ITGB3: variants seen among roughly 807,000 people sequenced by gnomAD.
ITGB3 encodes the protein integrin beta-3.
In ITGB3, 48 loss-of-function variants were observed where a neutral mutation model predicts 85.8. That is an observed-to-expected ratio of 0.56 (90% CI 0.44 to 0.71). The LOEUF is 0.71. ITGB3 is among the 30% of genes least tolerant of loss of function. ITGB3 has a pLI of 0.00. For synonymous variants in ITGB3, 363 were observed against 395.6 expected (o/e 0.92, Z 0.98); for missense variants, 861 against 1,019.1 (o/e 0.84, Z 2.11).
intron 10 of ITGB3, among the ~76,000 whole-genome samples, chr17:47,296,802 A>C (rs1392176320): frequency 6.6e-6 from 1 of 152,212 alleles, no homozygotes; most frequent in Non-Finnish European, 1.5e-5. Context: ...AAGGTTGAGA[A>C]ATCACATTTT....
At chr17:47,265,126 A>G (rs1053437424) in intron 1 of ITGB3, among the ~76,000 whole-genome samples, 12 of 152,244 alleles carry the variant, frequency 7.9e-5, no homozygotes, top group African/African-American at 2.9e-4. Flanking sequence ...AGAAAAATGT[A>G]CAGCTAAAGT....
At chr17:47,298,369 G>A (rs982811221) in intron 10 of ITGB3, among the ~76,000 whole-genome samples, 1 of 151,872 alleles carries the variant, frequency 6.6e-6, no homozygotes, top group African/African-American at 2.4e-5. Flanking sequence ...ACTGGCCCTC[G>A]GCAGTCTGGG....
Position 47,283,346 on chromosome 17 carries a change from T to C in ITGB3, c.166-8T>C, listed in dbSNP as rs1269465203. 5 of 1,614,124 alleles carry C rather than the reference T, an allele frequency of 3.1e-6. No individual in the cohort carries two copies. The South Asian group carries it at 4.4e-5, about 14-fold the overall frequency. On this transcript the variant is annotated splice_polypyrimidine_tract_variant and splice_region_variant and intron_variant, in intron 2 of 14. Transcript: ENST00000559488. Reference sequence around the variant, plus strand: ...TGCTGGACTTCTCTTTGGGCTCCTGTCTTACAGGCCCTGCCTCTGGGCTCA... The same window carrying C: ...TGCTGGACTTCTCTTTGGGCTCCTGCCTTACAGGCCCTGCCTCTGGGCTCA...
Position 47,312,432 on chromosome 17 carries a change from AAG to A in ITGB3, c.*2230_*2231del, listed in dbSNP as rs2065219062. On this transcript the variant is annotated 3_prime_UTR_variant, in exon 15 of 15. Coordinates refer to ENST00000559488, the MANE Select transcript of ITGB3 (RefSeq NM_000212.3). ...GGCGGGGAGGGATAGTCATGGATCC[AAG>A]AAGTCCTTAGAAATAGTGGCAGGGA... Among the ~76,000 whole-genome samples, 1 of 152,218 alleles carries A rather than the reference AAG, an allele frequency of 6.6e-6. No homozygotes were observed. Among genetic ancestry groups the A allele is most frequent in the African/African-American group, 2.4e-5 (1 of 41,450 alleles).
chr17:47,268,818 G>C (rs1041271492), intron 1 of ITGB3, among the ~76,000 whole-genome samples: 8 of 152,206 alleles, frequency 5.3e-5, no homozygotes, highest in Non-Finnish European at 8.8e-5. Context: ...GTGCCCGAGT[G>C]GGGGGCTCTA....
At position 47,292,422 on chromosome 17, in the gene ITGB3, G is replaced by A. The variant is rs13306487; in HGVS notation, c.1544G>A (p.Arg515Gln). The change falls in exon 10 of 15, where the codon CGG becomes CAG. Residue 515 changes from arginine to glutamine, a missense_variant. Transcript: ENST00000559488. ...TCCCAGCAGGACGAATGCAGCCCCC[G>A]GGAGGGTCAGCCCGTCTGCAGCCAG... The part of the protein sequence containing the change: ...RPSQQDECSP[R>Q]EGQPVCSQRG... The A allele has an allele frequency of 1.1e-3, 1,838 of 1,611,564 alleles. 9 individuals are homozygous for A. The East Asian group carries it at 0.019, about 17-fold the overall frequency.
rs1220730905 is a variant in ITGB3, at chr17:47,289,770, C to T, written c.1029C>T (p.Leu343=). 25 of 1,611,852 alleles carry T rather than the reference C, an allele frequency of 1.6e-5. No individual in the cohort carries two copies. Among genetic ancestry groups the T allele is most frequent in the Non-Finnish European group, 1.9e-5 (22 of 1,178,004 alleles). ...CAGTGACTGAAAATGTAGTCAATCT[C>T]TATCAGGTGACTGTGCCTTCGGGCT... ...IFAVTENVVN[L]YQNYSELIPG... The change falls in exon 7 of 15, where the codon CTC becomes CTT. Residue 343 remains leucine (L), a synonymous_variant. Coordinates refer to ENST00000559488, the MANE Select transcript of ITGB3 (RefSeq NM_000212.3).
chr17:47,302,052 G>A (rs1232859205), intron 12 of ITGB3, among the ~76,000 whole-genome samples: 1 of 152,070 alleles, frequency 6.6e-6, no homozygotes, highest in Non-Finnish European at 1.5e-5. Flanking sequence ...TACTCATCTG[G>A]TTTCATCAGT....
At chr17:47,308,989 C>T (rs1184424996) in intron 14 of ITGB3, among the ~76,000 whole-genome samples, 6 of 112,772 alleles carry the variant, frequency 5.3e-5, no homozygotes, top group South Asian at 3.7e-4. Flanking sequence ...CTTCCTTTTA[C>T]GCTTCCTCCC....
At chr17:47,294,424 A>G (rs2065138406) in intron 10 of ITGB3, among the ~76,000 whole-genome samples, 1 of 152,200 alleles carries the variant, frequency 6.6e-6, no homozygotes, top group Non-Finnish European at 1.5e-5. Context: ...GCAGGATCCC[A>G]GCCAGAGCAT....
Position 47,313,326 on chromosome 17 carries a change from T to C in ITGB3, c.*3122T>C, listed in dbSNP as rs2065223375. Reference sequence around the variant, plus strand: ...AAGGCCTCTTTTTCTTTGTTAAGTATTCCTGGTTGAAATTTCTTTTCTTTT... The same window carrying C: ...AAGGCCTCTTTTTCTTTGTTAAGTACTCCTGGTTGAAATTTCTTTTCTTTT... On this transcript the variant is annotated 3_prime_UTR_variant, in exon 15 of 15. Coordinates refer to ENST00000559488, the MANE Select transcript of ITGB3 (RefSeq NM_000212.3). 6.6e-6 allele frequency among the ~76,000 whole-genome samples: 1 copy of C among 150,564 alleles called. No individual in the cohort carries two copies. The highest frequency in any genetic ancestry group is 1.5e-5 in the Non-Finnish European group (1 of 67,852).
chr17:47,307,056 G>C (rs990801894), intron 13 of ITGB3, among the ~76,000 whole-genome samples: 3 of 152,090 alleles, frequency 2.0e-5, no homozygotes, highest in Admixed American at 6.5e-5. Flanking sequence ...TAGATAAACT[G>C]TGAGTCATGG....
At chr17:47,283,686 G>T in intron 3 of ITGB3, 137 bp downstream of exon 3, 1 of 808,120 alleles carries the variant, frequency 1.2e-6, no homozygotes, top group Non-Finnish European at 2.1e-6. Flanking sequence ...GGGGGGAGGT[G>T]TGGGCAAGAG....
In ITGB3 at chr17:47,292,314, G is replaced by A. The variant is rs765833982; in HGVS notation, c.1436G>A (p.Gly479Glu). 1 of 1,614,098 alleles carries A rather than the reference G, an allele frequency of 6.2e-7. No homozygotes were observed. Among genetic ancestry groups the A allele is most frequent in the Non-Finnish European group, 8.5e-7 (1 of 1,180,042 alleles). The change falls in exon 10 of 15, where the codon GGG becomes GAG. Residue 479 changes from glycine (G) to glutamate (E), a missense_variant. By Grantham distance (98) the Gly-to-Glu change is moderately conservative. Transcript: ENST00000559488. The stretch of plus-strand genomic sequence containing the variant: ...AGCCATCGCTGCAACAATGGCAATG[G>A]GACCTTTGAGTGTGGGGTATGCCGT... ...PNSHRCNNGN[G>E]TFECGVCRCG...
intron 14 of ITGB3, among the ~76,000 whole-genome samples, chr17:47,308,968 C>T (rs1030941553): frequency 1.8e-5 from 2 of 112,036 alleles, no homozygotes; most frequent in African/African-American, 6.4e-5. Context: ...CCTCCCCTCT[C>T]CTCCCCTCCC....
chr17:47,255,647 CTT>C (rs2064986619), intron 1 of ITGB3, among the ~76,000 whole-genome samples: 2 of 151,646 alleles, frequency 1.3e-5, no homozygotes, highest in African/African-American at 4.8e-5. Context: ...ATCTCGATCT[CTT>C]GACCCCGTGA....
At chr17:47,284,323 G>A (rs1284000978) in intron 3 of ITGB3, 120 bp from the exon 4 acceptor site, 1 of 1,139,150 alleles carries the variant, frequency 8.8e-7, no homozygotes, top group Non-Finnish European at 1.3e-6. Flanking sequence ...AGAGGAAAAG[G>A]GACCAGGGCT....
Position 47,290,234 on chromosome 17 carries a change from A to G in ITGB3, c.1085A>G (p.Asp362Gly). Reference protein sequence around the residue: ...PGTTVGVLSMDSSNVLQLIVD... With the variant: ...PGTTVGVLSMGSSNVLQLIVD... ...ACCACAGTTGGGGTTCTGTCCATGG[A>G]TTCCAGCAATGTCCTCCAGCTCATT... is the stretch of plus-strand genomic sequence containing the variant. Residue 362 changes from aspartate to glycine, a missense_variant, in exon 8 of 15, where the codon GAT becomes GGT. Transcript: ENST00000559488. 6.2e-7 allele frequency: 1 copy of G among 1,614,076 alleles called. No homozygotes were observed. Among genetic ancestry groups the G allele is most frequent in the East Asian group, 2.2e-5 (1 of 44,880 alleles).
intron 13 of ITGB3, among the ~76,000 whole-genome samples, chr17:47,306,741 T>C (rs2065189538): frequency 1.3e-5 from 2 of 152,128 alleles, no homozygotes; most frequent in South Asian, 4.1e-4. Flanking sequence ...AGTGTAATGG[T>C]GTGATCTCGG....
Sources: gnomAD v4.1 joint callset for allele counts (sites outside exome capture counted in the v4.1 genomes callset) on GRCh38, gnomAD v4.1.1 for gene constraint, MANE v1.5 for transcripts, NCBI Gene and HGNC (gene_info 2026-07-23, HGNC 2026-07-21) for gene names.